AKAP11: variants seen among roughly 807,000 people sequenced by gnomAD.
AKAP11 encodes the protein A-kinase anchoring protein 11, also known as A-kinase anchor protein 11.
Under a neutral mutation model 146.1 loss-of-function variants are expected in AKAP11, and 36 were observed. The ratio of observed to expected loss-of-function variants is 0.25; its 90% CI spans 0.19 to 0.33. The LOEUF (loss-of-function observed/expected upper bound fraction) is 0.33. Among genes scored for constraint, AKAP11 ranks in the 10% least tolerant of loss-of-function variants. The probability of loss-of-function intolerance (pLI) is 1.00; values close to 1 mark genes in which losing one functional copy is unlikely to be tolerated. For missense variants in AKAP11, 2,201 were observed against 2,197.0 expected, an observed-to-expected ratio of 1.00 and a Z score of -0.04; for synonymous variants, 780 against 786.5, an observed-to-expected ratio of 0.99 and a Z score of 0.14.
In AKAP11 at chr13:42,300,046, C is replaced by T; in HGVS notation, c.1300C>T (p.Pro434Ser). The T allele has an allele frequency of 6.2e-7, 1 of 1,613,904 alleles. No individual in the cohort carries two copies. The highest frequency in any genetic ancestry group is 8.5e-7 in the Non-Finnish European group (1 of 1,179,810). Residue 434 changes from proline (P) to serine (S), a missense_variant, in exon 8 of 13, where the codon CCT (proline) becomes TCT (serine). By Grantham distance (74) the Pro-to-Ser change is moderately conservative. Transcript: ENST00000025301. The part of the protein sequence containing the change: ...YGNLCDAPDS[P>S]RPVKASREDS... ...TAACCTGTGTGATGCTCCGGATTCT[C>T]CTCGCCCAGTGAAGGCATCAAGGGA... is the stretch of plus-strand genomic sequence containing the variant.
At chr13:42,292,045 C>T (rs7318528) in intron 3 of AKAP11, among the ~76,000 whole-genome samples, 59,121 of 152,048 alleles carry the variant, frequency 0.39, 11,957 homozygotes, top group East Asian at 0.63. Context: ...ATTGTTGCTT[C>T]TGTTCTACGC....
chr13:42,304,748 A>G (rs1194763074), intron 8 of AKAP11, among the ~76,000 whole-genome samples: 2 of 149,326 alleles, frequency 1.3e-5, no homozygotes, highest in Non-Finnish European at 3.0e-5. Context: ...TCTTGTGCTC[A>G]GTGATTCTTT....
Position 42,299,506 on chromosome 13 carries a change from A to G in AKAP11, c.760A>G (p.Asn254Asp). ...SLAKPSTSSVNVLGHKELPSV... is the reference protein window; with the variant it reads ...SLAKPSTSSVDVLGHKELPSV... ...GGCTAAACCCTCAACTTCCTCAGTG[A>G]ATGTCCTGGGACATAAAGAACTACC... Residue 254 changes from asparagine (N) to aspartate (D), a missense_variant, in exon 8 of 13, where the codon AAT (asparagine) becomes GAT (aspartate). Physicochemically the swap from Asn to Asp is conservative, Grantham distance 23. This residue lies in a region of AKAP11 where 331 missense variants were observed against 347.4 expected (regional missense o/e 0.95). Transcript: ENST00000025301. 1 of 1,613,994 alleles carries G rather than the reference A, an allele frequency of 6.2e-7. No homozygotes were observed. The highest frequency in any genetic ancestry group is 1.7e-5 in the Admixed American group (1 of 60,004).
At chr13:42,272,798 AG>A (rs1415368689) in intron 1 of AKAP11, among the ~76,000 whole-genome samples, 11 of 152,284 alleles carry the variant, frequency 7.2e-5, no homozygotes, top group East Asian at 5.8e-4. Flanking sequence ...ATACTCTCCT[AG>A]GCTGTTAATG....
chr13:42,307,713 G>A (rs1960340854), intron 8 of AKAP11, among the ~76,000 whole-genome samples: 3 of 152,104 alleles, frequency 2.0e-5, no homozygotes, highest in Non-Finnish European at 4.4e-5. Context: ...AGAACAGTAG[G>A]AGTTCAGATG....
Position 42,299,609 on chromosome 13 carries a change from C to T in AKAP11, c.863C>T (p.Ser288Leu). Residue 288 changes from serine (S) to leucine (L), a missense_variant, in exon 8 of 13, where the codon TCA becomes TTA. Physicochemically the swap from Ser to Leu is moderately radical, Grantham distance 145 (BLOSUM62 -2). Transcript: ENST00000025301. ...QRSFYRSSNA[S>L]DKDSDLQKTF... ...AGTTTCTATAGGTCATCTAATGCTT[C>T]AGATAAAGATAGTGATTTACAGAAA... 6.2e-7 allele frequency: 1 copy of T among 1,613,998 alleles called. No individual in the cohort carries two copies. The highest frequency in any genetic ancestry group is 8.5e-7 in the Non-Finnish European group (1 of 1,179,896).
Position 42,319,250 on chromosome 13 carries a change from T to G in AKAP11, c.*22T>G. 1 of 1,605,524 alleles carries G rather than the reference T, an allele frequency of 6.2e-7. No homozygotes were observed. The highest frequency in any genetic ancestry group is 8.5e-7 in the Non-Finnish European group (1 of 1,176,868). The stretch of plus-strand genomic sequence containing the variant: ...ATAGAGCAAACCCCAAACCAGTATA[T>G]TTTAGTATTTGTTTGGGGAGGGGAA... On this transcript the variant is annotated 3_prime_UTR_variant, in exon 13 of 13. Transcript: ENST00000025301.
chr13:42,311,204 T>C (rs1960546954), intron 9 of AKAP11, among the ~76,000 whole-genome samples: 1 of 152,248 alleles, frequency 6.6e-6, no homozygotes, highest in Admixed American at 6.5e-5. Flanking sequence ...ACTGGACCAC[T>C]GTAGTACTTA....
intron 8 of AKAP11, among the ~76,000 whole-genome samples, chr13:42,307,415 TAAAGC>T (rs1301299923): frequency 6.6e-6 from 1 of 151,640 alleles, no homozygotes; most frequent in African/African-American, 2.4e-5. Context: ...GGGGGAAAAA[TAAAGC>T]AAGGTAGGGA....
rs1400839870 is a variant in AKAP11, at chr13:42,299,545, T to G, written c.799T>G (p.Ser267Ala). Residue 267 changes from serine to alanine, a missense_variant, in exon 8 of 13, where the codon TCA becomes GCA. Physicochemically the swap from Ser to Ala is moderately conservative, Grantham distance 99. This residue lies in a region of AKAP11 where 331 missense variants were observed against 347.4 expected (regional missense o/e 0.95). Transcript: ENST00000025301. ...TAAAGAACTACCTTCTGTGAAAACT[T>G]CAGTCACAACATCAATTTCAGAGCC... ...GHKELPSVKTSVTTSISEPWT... is the reference protein window; with the variant it reads ...GHKELPSVKTAVTTSISEPWT... 1 of 1,613,996 alleles carries G rather than the reference T, an allele frequency of 6.2e-7. No homozygotes were observed. Among genetic ancestry groups the G allele is most frequent in the Admixed American group, 1.7e-5 (1 of 60,002 alleles).
At chr13:42,272,003 G>T, upstream of AKAP11, 1 of 151,462 alleles carries the variant, frequency 6.6e-6, no homozygotes, top group South Asian at 1.8e-4. Context: ...GCCCTCTCGC[G>T]AGAGAGAGTG....
chr13:42,313,437 T>G (rs1354039036), intron 10 of AKAP11, among the ~76,000 whole-genome samples: 2 of 152,210 alleles, frequency 1.3e-5, no homozygotes, highest in African/African-American at 4.8e-5. Flanking sequence ...TGGGTTTTTT[T>G]GTTATGTTTT....
chr13:42,281,315 A>G (rs1030043372), intron 1 of AKAP11, among the ~76,000 whole-genome samples: 1 of 152,200 alleles, frequency 6.6e-6, no homozygotes. Flanking sequence ...ACAGATTCCT[A>G]TGTTCCATGT....
At position 42,301,768 on chromosome 13, in the gene AKAP11, C is replaced by G. The variant is rs1317706765; in HGVS notation, c.3022C>G (p.Pro1008Ala). The change falls in exon 8 of 13, where the codon CCA becomes GCA. Residue 1008 changes from proline to alanine, a missense_variant. Physicochemically the swap from Pro to Ala is conservative, Grantham distance 27. Around this residue, in one of 3 missense-constraint regions of AKAP11, gnomAD observed 1,867 missense variants for 1,833.5 expected, o/e 1.02. Transcript: ENST00000025301. Reference sequence around the variant, plus strand: ...ACTTTCAGCTGCAAAGGATTGTGTTCCAGAATGTAAAGTTTCTATGGTTCA... The same window carrying G: ...ACTTTCAGCTGCAAAGGATTGTGTTGCAGAATGTAAAGTTTCTATGGTTCA... Reference protein sequence around the residue: ...CSLSAAKDCVPECKVSMVHGS... With the variant: ...CSLSAAKDCVAECKVSMVHGS... 1.9e-6 allele frequency: 3 copies of G among 1,614,108 alleles called. No individual in the cohort carries two copies. The highest frequency in any genetic ancestry group is 1.7e-6 in the Non-Finnish European group (2 of 1,180,002).
chr13:42,281,042 G>A (rs1004684263), intron 1 of AKAP11, among the ~76,000 whole-genome samples: 1 of 152,110 alleles, frequency 6.6e-6, no homozygotes, highest in Non-Finnish European at 1.5e-5. Flanking sequence ...GAGTAACTGG[G>A]ATATTTAGTT....
At position 42,299,800 on chromosome 13, in the gene AKAP11, G is replaced by A; in HGVS notation, c.1054G>A (p.Val352Ile). The A allele has an allele frequency of 6.2e-7, 1 of 1,613,802 alleles. No individual in the cohort carries two copies. The highest frequency in any genetic ancestry group is 8.5e-7 in the Non-Finnish European group (1 of 1,179,854). ...TGATATAGAGGATTCAGACTCAGAAGTAAGTGAATTTTTTGATAGTTTTGA... is the reference window on the plus strand; with the variant it reads ...TGATATAGAGGATTCAGACTCAGAAATAAGTGAATTTTTTGATAGTTTTGA... ...KDDIEDSDSEVSEFFDSFDQF... is the reference protein window; with the variant it reads ...KDDIEDSDSEISEFFDSFDQF... The change falls in exon 8 of 13, where the codon GTA becomes ATA. Residue 352 changes from valine to isoleucine, a missense_variant. Coordinates refer to ENST00000025301, the MANE Select transcript of AKAP11 (RefSeq NM_016248.4).
chr13:42,299,717 G>T lies in AKAP11; in HGVS notation c.971G>T (p.Gly324Val). The T allele has an allele frequency of 6.2e-7, 1 of 1,613,846 alleles. No homozygotes were observed. The highest frequency in any genetic ancestry group is 8.5e-7 in the Non-Finnish European group (1 of 1,179,868). Residue 324 changes from glycine to valine, a missense_variant, in exon 8 of 13, where the codon GGA becomes GTA. Transcript: ENST00000025301. Reference protein sequence around the residue: ...PSPVIFLDEEGYQKSLKAKLE... With the variant: ...PSPVIFLDEEVYQKSLKAKLE... ...CCTGTTATTTTCTTGGATGAAGAGG[G>T]ATATCAAAAAAGCTTAAAAGCAAAA...
intron 9 of AKAP11, among the ~76,000 whole-genome samples, chr13:42,312,402 G>A (rs1594357421): frequency 6.6e-6 from 1 of 152,240 alleles, no homozygotes; most frequent in East Asian, 1.9e-4. Context: ...GCTTGATTAA[G>A]CCTTGGCTAT....
Position 42,301,923 on chromosome 13 carries a change from T to G in AKAP11, c.3177T>G (p.Ser1059=). ...ATAGTACATCACTTGAGGCCTTGTC[T>G]TTTGGACAGGAAAACCCCTTTCCTC... is the stretch of plus-strand genomic sequence containing the variant. ...NLNSTSLEAL[S]FGQENPFPHS... Residue 1059 remains serine (S), a synonymous_variant, in exon 8 of 13, where the codon TCT becomes TCG. Transcript: ENST00000025301. The G allele has an allele frequency of 6.2e-7, 1 of 1,614,160 alleles. No individual in the cohort carries two copies. Among genetic ancestry groups the G allele is most frequent in the Non-Finnish European group, 8.5e-7 (1 of 1,180,016 alleles).
Sources: allele counts gnomAD v4.1 joint callset (sites outside exome capture counted in the v4.1 genomes callset), GRCh38; gene constraint gnomAD v4.1.1; regional missense constraint gnomAD v4.1.1; transcripts MANE v1.5; gene names NCBI Gene and HGNC (gene_info 2026-07-23, HGNC 2026-07-21).